The following PPP1R14C variants were observed in gnomAD, a reference collection of about 807,000 sequenced individuals.
PPP1R14C encodes protein phosphatase 1 regulatory subunit 14C.
PPP1R14C carries 16 observed loss-of-function variants against 20.4 expected under a neutral mutation model. That is an observed-to-expected ratio of 0.78 (90% CI 0.53 to 1.19). The LOEUF (loss-of-function observed/expected upper bound fraction) is 1.19, where lower values mean the gene tolerates loss of function less well. Among genes scored for constraint, PPP1R14C ranks in the 50% most tolerant of loss-of-function variants. The probability of loss-of-function intolerance (pLI) is 0.00; values close to 1 mark genes in which losing one functional copy is unlikely to be tolerated. For missense variants in PPP1R14C, 211 were observed against 220.1 expected (o/e 0.96, Z 0.26); for synonymous variants, 91 against 91.0 (o/e 1.00, Z 0.00).
At chr6:150,151,068 T>C (rs1348377572) in intron 1 of PPP1R14C, among the ~76,000 whole-genome samples, 1 of 152,058 alleles carries the variant, frequency 6.6e-6, no homozygotes, top group Non-Finnish European at 1.5e-5. Context: ...CCTTCACTCC[T>C]GCGTGCTGTT....
At chr6:150,179,435 G>A (rs1292867380) in intron 1 of PPP1R14C, among the ~76,000 whole-genome samples, 1 of 148,040 alleles carries the variant, frequency 6.8e-6, no homozygotes, top group South Asian at 2.2e-4. Flanking sequence ...AGGAGGGAGG[G>A]AGGGAGGGAG....
intron 1 of PPP1R14C, among the ~76,000 whole-genome samples, chr6:150,195,570 C>CT (rs1351962777): frequency 4.6e-5 from 7 of 152,156 alleles, no homozygotes; most frequent in African/African-American, 1.7e-4. Flanking sequence ...TGGTCTTGAG[C>CT]TGAAAGTGAT....
intron 1 of PPP1R14C, among the ~76,000 whole-genome samples, chr6:150,211,057 C>T (rs571959266): frequency 9.5e-4 from 145 of 152,294 alleles, no homozygotes; most frequent in African/African-American, 3.3e-3. Context: ...CCTGTCATTC[C>T]GCAAGGTCAG....
At chr6:150,213,975 C>T (rs529379051) in intron 1 of PPP1R14C, among the ~76,000 whole-genome samples, 153 of 152,322 alleles carry the variant, frequency 1.0e-3, no homozygotes, top group Non-Finnish European at 1.7e-3. Context: ...CTCTGCCTAA[C>T]GTGGAGTCAG....
chr6:150,194,316 TG>T (rs1471414535), intron 1 of PPP1R14C, among the ~76,000 whole-genome samples: 1 of 152,212 alleles, frequency 6.6e-6, no homozygotes, highest in Non-Finnish European at 1.5e-5. Flanking sequence ...TCCCAAGAAA[TG>T]GTTACTTAAC....
At chr6:150,152,275 C>T (rs535449682) in intron 1 of PPP1R14C, among the ~76,000 whole-genome samples, 2 of 152,298 alleles carry the variant, frequency 1.3e-5, no homozygotes, top group Middle Eastern at 3.4e-3. Context: ...GGCCACATGG[C>T]GGGCAGGTGG....
chr6:150,144,921 G>A (rs1777165255), intron 1 of PPP1R14C, among the ~76,000 whole-genome samples: 1 of 152,152 alleles, frequency 6.6e-6, no homozygotes. Context: ...TGATGTAGAT[G>A]GGATTACTGT....
rs114948576 is a variant in PPP1R14C, at chr6:150,192,696, G to A, written c.307-22048G>A. ...GTGTTATTATATTTCATGGTTCTGGGGGTTGATAGGACTCAGCTGGATGGT... is the reference window on the plus strand; with the variant it reads ...GTGTTATTATATTTCATGGTTCTGGAGGTTGATAGGACTCAGCTGGATGGT... On this transcript the variant is annotated intron_variant, in intron 1 of 3. Transcript: ENST00000361131. Among the ~76,000 whole-genome samples, 1,217 of 152,318 alleles carry A rather than the reference G, an allele frequency of 8.0e-3. 18 individuals are homozygous for A. The highest frequency in any genetic ancestry group is 0.027 in the African/African-American group (1,105 of 41,560).
At chr6:150,228,473 G>A (rs1778255431) in intron 3 of PPP1R14C, among the ~76,000 whole-genome samples, 2 of 152,216 alleles carry the variant, frequency 1.3e-5, no homozygotes, top group African/African-American at 4.8e-5. Context: ...GGAATGGACA[G>A]CATTCTCTTA....
intron 1 of PPP1R14C, among the ~76,000 whole-genome samples, chr6:150,190,120 A>G (rs1041902901): frequency 3.3e-5 from 5 of 152,168 alleles, no homozygotes; most frequent in Non-Finnish European, 7.4e-5. Context: ...ATCCTTCTGC[A>G]TGCTATATTT....
intron 3 of PPP1R14C, among the ~76,000 whole-genome samples, chr6:150,234,875 AAG>A (rs1778339447): frequency 5.3e-5 from 8 of 149,984 alleles, no homozygotes; most frequent in Admixed American, 5.3e-4. Flanking sequence ...AAAAAAAAAA[AAG>A]GAATCAAACT....
chr6:150,170,557 C>T (rs1198125274), intron 1 of PPP1R14C, among the ~76,000 whole-genome samples: 4 of 152,144 alleles, frequency 2.6e-5, no homozygotes, highest in Admixed American at 6.5e-5. Context: ...CTCCTGACCT[C>T]GTGATCCGCC....
At chr6:150,174,908 G>T (rs62440056) in intron 1 of PPP1R14C, among the ~76,000 whole-genome samples, 14,728 of 151,618 alleles carry the variant, frequency 0.097, 1,174 homozygotes, top group East Asian at 0.45. Context: ...GGAGGTTGCG[G>T]TGAGCTGAGA....
intron 3 of PPP1R14C, among the ~76,000 whole-genome samples, chr6:150,223,955 T>C (rs534754879): frequency 3.5e-4 from 54 of 152,228 alleles, no homozygotes; most frequent in Non-Finnish European, 3.7e-4. Context: ...TTCTCCTACA[T>C]TACCTTTTGG....
At chr6:150,160,401 A>G (rs1258801923) in intron 1 of PPP1R14C, among the ~76,000 whole-genome samples, 1 of 149,918 alleles carries the variant, frequency 6.7e-6, no homozygotes, top group Non-Finnish European at 1.5e-5. Flanking sequence ...AGTAGCTGGG[A>G]CTGCAGGTGC....
intron 1 of PPP1R14C, among the ~76,000 whole-genome samples, chr6:150,164,172 C>T (rs1777400736): frequency 6.6e-6 from 1 of 152,198 alleles, no homozygotes; most frequent in Non-Finnish European, 1.5e-5. Context: ...TTTGGATATC[C>T]TCTTTGTGAA....
chr6:150,200,955 C>G (rs1411746057), intron 1 of PPP1R14C, among the ~76,000 whole-genome samples: 1 of 152,172 alleles, frequency 6.6e-6, no homozygotes, highest in Non-Finnish European at 1.5e-5. Flanking sequence ...GCTCTCCTCC[C>G]TTGCTGCTCC....
intron 3 of PPP1R14C, among the ~76,000 whole-genome samples, chr6:150,230,814 G>T (rs1778285521): frequency 6.6e-6 from 1 of 152,208 alleles, no homozygotes; most frequent in African/African-American, 2.4e-5. Context: ...TATAGGTAAT[G>T]CACAGAACAG....
chr6:150,213,648 T>C (rs1309545271), intron 1 of PPP1R14C, among the ~76,000 whole-genome samples: 1 of 152,228 alleles, frequency 6.6e-6, no homozygotes, highest in Non-Finnish European at 1.5e-5. Flanking sequence ...CTCTCTTAAA[T>C]GCTCTTTTAT....
Sources: allele counts gnomAD v4.1 joint callset (sites outside exome capture counted in the v4.1 genomes callset), GRCh38; gene constraint gnomAD v4.1.1; transcripts MANE v1.5; gene names NCBI Gene and HGNC (gene_info 2026-07-23, HGNC 2026-07-21).